Variants in TARS3 observed in about 807,000 individuals in gnomAD.
TARS3 encodes the protein threonine--tRNA ligase 2, cytoplasmic.
A neutral mutation model predicts 103.5 loss-of-function variants in TARS3; 94 were observed. The observed-to-expected ratio is 0.91, with a 90% CI of 0.77 to 1.08. The LOEUF (loss-of-function observed/expected upper bound fraction) is 1.08. Among genes scored for constraint, TARS3 ranks in the 50% least tolerant of loss-of-function variants. The probability of loss-of-function intolerance (pLI) is 0.00; values close to 1 mark genes in which losing one functional copy is unlikely to be tolerated. For missense variants in TARS3, 952 were observed against 995.2 expected, an observed-to-expected ratio of 0.96 and a Z score of 0.58; for synonymous variants, 416 against 355.4, an observed-to-expected ratio of 1.17 and a Z score of -1.92.
At chr15:101,675,461 A>T (rs1897981977) in intron 13 of TARS3, 139 bp downstream of exon 13, 1 of 746,866 alleles carries the variant, frequency 1.3e-6, no homozygotes, top group Admixed American at 2.7e-5. Context: ...ACCACATTCT[A>T]CAACCTATAT....
intron 1 of TARS3, among the ~76,000 whole-genome samples, 183 bp from the exon 2 acceptor site, chr15:101,723,347 C>T (rs906150052): frequency 2.0e-5 from 3 of 152,196 alleles, no homozygotes; most frequent in African/African-American, 7.2e-5. Context: ...CTTCCTGTCA[C>T]ACTGTTGCTA....
chr15:101,723,102 A>C lies in TARS3; in HGVS notation c.360T>G (p.Ala120=), dbSNP rs763677893. Residue 120 remains alanine (A), a synonymous_variant, in exon 2 of 19, where the codon GCT becomes GCG. Coordinates refer to ENST00000335968, the MANE Select transcript of TARS3 (RefSeq NM_152334.3). ...CACAGCAACAACTTACCTCGCTGTC[A>C]GCCTCGCTTTCCTTCATTTTCTTCT... is the stretch of plus-strand genomic sequence containing the variant. ...MKKKKMKESE[A]DSEVKHQPIF... 6.2e-7 allele frequency: 1 copy of C among 1,614,066 alleles called. No individual in the cohort carries two copies. The highest frequency in any genetic ancestry group is 1.3e-5 in the African/African-American group (1 of 74,928).
chr15:101,712,302 C>A (rs1421792622), intron 4 of TARS3, among the ~76,000 whole-genome samples: 1 of 152,126 alleles, frequency 6.6e-6, no homozygotes, highest in Non-Finnish European at 1.5e-5. Context: ...GAGATGAACA[C>A]CTCTCAGAAC....
At chr15:101,703,151 C>T (rs7172905) in intron 8 of TARS3, among the ~76,000 whole-genome samples, 89,685 of 152,112 alleles carry the variant, frequency 0.59, 27,074 homozygotes, top group East Asian at 0.82. Context: ...AATCCCAGAG[C>T]GATGTTTTCT....
In TARS3 at chr15:101,713,497, G is replaced by A. The variant is rs899681161; in HGVS notation, c.690+1343C>T. On this transcript the variant is annotated intron_variant, in intron 4 of 18. Transcript: ENST00000335968. ...ACAGCAAGTAGGCAGTTTCTTGGGTGGTTCTATAACAAGGTGAGTGCGGAT... is the reference window on the plus strand; with the variant it reads ...ACAGCAAGTAGGCAGTTTCTTGGGTAGTTCTATAACAAGGTGAGTGCGGAT... Among the ~76,000 whole-genome samples the A allele has an allele frequency of 6.6e-5, 10 of 152,350 alleles. No homozygotes were observed. The East Asian group carries it at 1.9e-3, about 29-fold the overall frequency.
chr15:101,684,369 A>G, intron 11 of TARS3, 132 bp from the exon 12 acceptor site: 1 of 626,632 alleles, frequency 1.6e-6, no homozygotes, highest in South Asian at 4.3e-5. Flanking sequence ...TCACCAGGTT[A>G]AAAAAAAAAT....
intron 6 of TARS3, among the ~76,000 whole-genome samples, chr15:101,706,775 T>C (rs1351437872): frequency 6.6e-6 from 1 of 152,248 alleles, no homozygotes; most frequent in Non-Finnish European, 1.5e-5. Context: ...AGCTAGTTGT[T>C]GGGAGAAAAA....
chr15:101,715,089 G>C, intron 3 of TARS3, 126 bp from the exon 4 acceptor site: 2 of 781,792 alleles, frequency 2.6e-6, no homozygotes, highest in Non-Finnish European at 3.7e-6. Context: ...TAAACTAATA[G>C]GACAGATATT....
intron 18 of TARS3, chr15:101,655,830 A>C: frequency 8.0e-7 from 1 of 1,246,860 alleles, no homozygotes. Flanking sequence ...GAGAGCGGGG[A>C]GCTCTTACAG....
chr15:101,679,892 C>G (rs1252851021), intron 12 of TARS3, among the ~76,000 whole-genome samples: 1 of 152,198 alleles, frequency 6.6e-6, no homozygotes, highest in Non-Finnish European at 1.5e-5. Flanking sequence ...CTGGGTTGCA[C>G]AGGTGTTCTA....
At chr15:101,665,097 A>T (rs375598804) in intron 15 of TARS3, among the ~76,000 whole-genome samples, 1 of 152,276 alleles carries the variant, frequency 6.6e-6, no homozygotes, top group South Asian at 2.1e-4. Flanking sequence ...AAACAGCCTC[A>T]GAAAACTGGA....
intron 9 of TARS3, among the ~76,000 whole-genome samples, chr15:101,701,920 C>G (rs969764720): frequency 6.6e-6 from 1 of 152,146 alleles, no homozygotes; most frequent in African/African-American, 2.4e-5. Flanking sequence ...GGACTACAAG[C>G]GCGTGCTGCC....
chr15:101,677,916 G>A (rs1898098521), intron 12 of TARS3, among the ~76,000 whole-genome samples: 1 of 151,942 alleles, frequency 6.6e-6, no homozygotes, highest in Non-Finnish European at 1.5e-5. Flanking sequence ...ACAGGTGTGT[G>A]CTACCATGCC....
chr15:101,722,388 G>A (rs1265863673), intron 2 of TARS3, among the ~76,000 whole-genome samples: 1 of 151,204 alleles, frequency 6.6e-6, no homozygotes, highest in Non-Finnish European at 1.5e-5. Flanking sequence ...TCCTCAACCA[G>A]ACTAACTTCT....
intron 15 of TARS3, among the ~76,000 whole-genome samples, chr15:101,662,019 G>A (rs746900089): frequency 3.3e-5 from 5 of 151,788 alleles, no homozygotes; most frequent in East Asian, 1.9e-4. Flanking sequence ...TTATTAGAGC[G>A]CACTGAAACA....
At chr15:101,701,442 G>A (rs1023737334) in intron 9 of TARS3, among the ~76,000 whole-genome samples, 12 of 152,174 alleles carry the variant, frequency 7.9e-5, no homozygotes, top group Admixed American at 2.0e-4. Flanking sequence ...CTTGGAGTAC[G>A]GCACTCATGG....
chr15:101,713,612 C>T (rs941143500), intron 4 of TARS3, among the ~76,000 whole-genome samples: 10 of 151,974 alleles, frequency 6.6e-5, no homozygotes, highest in Admixed American at 3.3e-4. Context: ...AGTTGAGGGA[C>T]GGGGAGGAAT....
Position 101,702,395 on chromosome 15 carries a change from A to T in TARS3, c.1075-10T>A. On this transcript the variant is annotated splice_polypyrimidine_tract_variant and intron_variant, in intron 8 of 18. Transcript: ENST00000335968. The stretch of plus-strand genomic sequence containing the variant: ...AATATGTTGAGGAATTCTAAATATC[A>T]AAGAGGATTTTGGTAAATATATCAT... The T allele has an allele frequency of 6.2e-7, 1 of 1,611,414 alleles. No homozygotes were observed. The highest frequency in any genetic ancestry group is 8.5e-7 in the Non-Finnish European group (1 of 1,177,752).
At chr15:101,683,032 A>T (rs900928554) in intron 12 of TARS3, among the ~76,000 whole-genome samples, 9 of 152,162 alleles carry the variant, frequency 5.9e-5, no homozygotes, top group African/African-American at 2.2e-4. Flanking sequence ...CAGTCTGACT[A>T]AAGGTTTATC....
Sources: gnomAD v4.1 joint callset for allele counts (sites outside exome capture counted in the v4.1 genomes callset) on GRCh38, gnomAD v4.1.1 for gene constraint, MANE v1.5 for transcripts, NCBI Gene and HGNC (gene_info 2026-07-23, HGNC 2026-07-21) for gene names.